The following CD44 variants were observed in gnomAD, a reference collection of about 807,000 sequenced individuals.
CD44 encodes CD44 molecule (IN blood group), also known as CD44 antigen.
In CD44, 49 loss-of-function variants were observed where a neutral mutation model predicts 88.8. The ratio of observed to expected loss-of-function variants is 0.55; its 90% CI spans 0.44 to 0.70. The LOEUF is 0.70. Ranked by LOEUF, CD44 falls within the 30% of genes least tolerant of loss-of-function variation. The probability of loss-of-function intolerance (pLI) is 0.00; values close to 1 mark genes in which losing one functional copy is unlikely to be tolerated. For synonymous variants in CD44, 325 were observed against 312.3 expected, an observed-to-expected ratio of 1.04 and a Z score of -0.43; for missense variants, 883 against 913.8, an observed-to-expected ratio of 0.97 and a Z score of 0.43.
At chr11:35,193,144 T>C (rs1346869694) in intron 5 of CD44, among the ~76,000 whole-genome samples, 1 of 152,180 alleles carries the variant, frequency 6.6e-6, no homozygotes, top group African/African-American at 2.4e-5. Flanking sequence ...TAATGTGTCC[T>C]TTGCAGCAGG....
intron 12 of CD44, among the ~76,000 whole-genome samples, chr11:35,209,488 G>A (rs1247867123): frequency 6.6e-6 from 1 of 152,094 alleles, no homozygotes; most frequent in Non-Finnish European, 1.5e-5. Context: ...ATTCTAGATA[G>A]GCTTCTTTTT....
At chr11:35,203,487 A>T (rs1332394671) in intron 9 of CD44, among the ~76,000 whole-genome samples, 1 of 152,150 alleles carries the variant, frequency 6.6e-6, no homozygotes, top group African/African-American at 2.4e-5. Context: ...GTAAAACTTA[A>T]GATTTTGGCT....
chr11:35,207,983 G>C, intron 11 of CD44, 122 bp from the exon 12 acceptor site: 1 of 649,230 alleles, frequency 1.5e-6, no homozygotes, highest in Non-Finnish European at 2.8e-6. Flanking sequence ...GATATAGTCA[G>C]TATGTGCTTT....
intron 1 of CD44, among the ~76,000 whole-genome samples, chr11:35,140,305 T>C (rs1352988941): frequency 6.6e-6 from 1 of 152,256 alleles, no homozygotes; most frequent in Non-Finnish European, 1.5e-5. Context: ...AAGCATTCTC[T>C]TTCTTTGTCT....
At chr11:35,181,540 C>T (rs899111360) in intron 3 of CD44, among the ~76,000 whole-genome samples, 1 of 150,864 alleles carries the variant, frequency 6.6e-6, no homozygotes, top group East Asian at 1.9e-4. Context: ...AAAGATGAAG[C>T]CTTGAGGTAA....
At chr11:35,215,210 T>C (rs1466457509) in intron 15 of CD44, among the ~76,000 whole-genome samples, 1 of 152,218 alleles carries the variant, frequency 6.6e-6, no homozygotes, top group Non-Finnish European at 1.5e-5. Flanking sequence ...AGGAAAGCCT[T>C]GCATCTGAAA....
intron 1 of CD44, among the ~76,000 whole-genome samples, chr11:35,147,696 C>T (rs1306972321): frequency 2.6e-5 from 4 of 151,894 alleles, no homozygotes; most frequent in Non-Finnish European, 5.9e-5. Context: ...ACACACCAAT[C>T]GTGGAACTAG....
At chr11:35,146,213 C>T (rs1859130236) in intron 1 of CD44, among the ~76,000 whole-genome samples, 1 of 152,138 alleles carries the variant, frequency 6.6e-6, no homozygotes, top group African/African-American at 2.4e-5. Context: ...GGGACTGAGT[C>T]ACCAAGGAGG....
At chr11:35,208,286 GC>G in intron 12 of CD44, 80 bp downstream of exon 12, 1 of 959,882 alleles carries the variant, frequency 1.0e-6, no homozygotes, top group Non-Finnish European at 1.7e-6. Context: ...AAGATGCAGA[GC>G]TTTGGTGGTG....
intron 1 of CD44, among the ~76,000 whole-genome samples, chr11:35,174,737 G>A (rs1183114358): frequency 2.0e-5 from 3 of 152,178 alleles, no homozygotes; most frequent in Admixed American, 1.3e-4. Context: ...GAGAGCAAAC[G>A]ACAGGCTTTT....
intron 5 of CD44, among the ~76,000 whole-genome samples, chr11:35,192,142 C>A (rs1946329307): frequency 6.6e-6 from 1 of 152,010 alleles, no homozygotes; most frequent in Admixed American, 6.5e-5. Context: ...CTTTCTCCTC[C>A]CAGATAAATT....
chr11:35,184,600 A>G (rs1458990127), intron 3 of CD44, among the ~76,000 whole-genome samples: 1 of 152,196 alleles, frequency 6.6e-6, no homozygotes, highest in Non-Finnish European at 1.5e-5. Context: ...ATTTTGGAAA[A>G]TATTTTTGAA....
Position 35,204,583 on chromosome 11 carries a change from C to A in CD44, c.1225C>A (p.His409Asn). 6.2e-7 allele frequency: 1 copy of A among 1,612,980 alleles called. No homozygotes were observed. The highest frequency in any genetic ancestry group is 8.5e-7 in the Non-Finnish European group (1 of 1,179,100). Residue 409 changes from histidine to asparagine, a missense_variant, in exon 10 of 18, where the codon CAT (histidine) becomes AAT (asparagine). His to Asn is a moderately conservative substitution (Grantham distance 68). Transcript: ENST00000428726. ...QKEQWFGNRWHEGYRQTPKED... is the reference protein window; with the variant it reads ...QKEQWFGNRWNEGYRQTPKED... ...GGAACAGTGGTTTGGCAACAGATGG[C>A]ATGAGGGATATCGCCAAACACCCAA...
At chr11:35,170,290 C>A (rs35861024) in intron 1 of CD44, among the ~76,000 whole-genome samples, 24,954 of 152,140 alleles carry the variant, frequency 0.16, 2,164 homozygotes, top group Middle Eastern at 0.27. Flanking sequence ...TACTGACCTT[C>A]ATAAAAGTTT....
intron 5 of CD44, among the ~76,000 whole-genome samples, chr11:35,195,877 A>C (rs758353205): frequency 5.9e-5 from 9 of 152,162 alleles, no homozygotes; most frequent in Non-Finnish European, 1.3e-4. Flanking sequence ...AGTTTCACAT[A>C]AGAAATTACC....
At chr11:35,164,734 C>A (rs1276111785) in intron 1 of CD44, among the ~76,000 whole-genome samples, 1 of 152,220 alleles carries the variant, frequency 6.6e-6, no homozygotes, top group Non-Finnish European at 1.5e-5. Flanking sequence ...TTATGAAAAA[C>A]TTTAAGTTGC....
At position 35,229,876 on chromosome 11, in the gene CD44, A is replaced by C. The variant is rs1468172030; in HGVS notation, c.*543A>C. The C allele has an allele frequency of 6.4e-6, 1 of 155,704 alleles. No homozygotes were observed. The highest frequency in any genetic ancestry group is 1.4e-5 in the Non-Finnish European group (1 of 70,192). The allele number at this position is 155,704 out of a possible 1,614,324, so 9.6% of individuals were successfully genotyped here. On this transcript the variant is annotated 3_prime_UTR_variant, in exon 18 of 18. Transcript: ENST00000428726. Reference sequence around the variant, plus strand: ...TGGGAGACACCCAAAGGGTGAAGCTATTTATCTGTAGTAAACTATTTATCT... The same window carrying C: ...TGGGAGACACCCAAAGGGTGAAGCTCTTTATCTGTAGTAAACTATTTATCT...
intron 9 of CD44, 30 bp downstream of exon 9, chr11:35,201,817 GTTAGAT>G: frequency 1.2e-6 from 2 of 1,610,006 alleles, no homozygotes; most frequent in Non-Finnish European, 1.7e-6. Flanking sequence ...GCAGTTCTGG[GTTAGAT>G]GAATTAGTAA....
intron 5 of CD44, 94 bp from the exon 6 acceptor site, chr11:35,196,652 C>A: frequency 7.6e-7 from 1 of 1,316,254 alleles, no homozygotes; most frequent in Non-Finnish European, 1.1e-6. Context: ...AGATGATTCT[C>A]TTGAGTAGTA....
Sources: gnomAD v4.1 joint callset for allele counts (sites outside exome capture counted in the v4.1 genomes callset) on GRCh38, gnomAD v4.1.1 for gene constraint, MANE v1.5 for transcripts, NCBI Gene and HGNC (gene_info 2026-07-23, HGNC 2026-07-21) for gene names.